The following ADAMTS18 variants were observed in gnomAD, a reference collection of about 807,000 sequenced individuals.
The protein encoded by ADAMTS18 is A disintegrin and metalloproteinase with thrombospondin motifs 18.
A neutral mutation model predicts 165.9 loss-of-function variants in ADAMTS18; 157 were observed. The observed-to-expected ratio is 0.95, with a 90% confidence interval of 0.83 to 1.08. The LOEUF (loss-of-function observed/expected upper bound fraction) is 1.08. ADAMTS18 is among the 50% of genes least tolerant of loss of function. The pLI is 0.00. For synonymous variants in ADAMTS18, 782 were observed against 578.2 expected (o/e 1.35, Z -5.06); for missense variants, 2,040 against 1,534.0 (o/e 1.33, Z -5.51).
At position 77,284,053 on chromosome 16, in the gene ADAMTS18, T is replaced by C. The variant is rs749579943; in HGVS notation, c.3569A>G (p.Asp1190Gly). 1.9e-6 allele frequency: 3 copies of C among 1,612,780 alleles called. No homozygotes were observed. Among genetic ancestry groups the C allele is most frequent in the African/African-American group, 2.7e-5 (2 of 74,806 alleles). ...PEKREDPSCV[D>G]FFNWCHLVPQ... Reference sequence around the variant, plus strand: ...AACTAGGTGACACCAGTTGAAGAAATCTACGCAGGATGGATCCTCTAAAAT... The same window carrying C: ...AACTAGGTGACACCAGTTGAAGAAACCTACGCAGGATGGATCCTCTAAAAT... The change falls in exon 23 of 23, where the codon GAT (aspartate) becomes GGT (glycine). Residue 1190 changes from aspartate to glycine, a missense_variant. Coordinates refer to ENST00000282849, the MANE Select transcript of ADAMTS18 (RefSeq NM_199355.4).
intron 3 of ADAMTS18, among the ~76,000 whole-genome samples, chr16:77,419,664 T>C (rs1457116404): frequency 1.3e-5 from 2 of 152,042 alleles, no homozygotes; most frequent in East Asian, 1.9e-4. Flanking sequence ...ACTGAATACT[T>C]GGAGAAAGTG....
chr16:77,373,843 T>C (rs1383644780), intron 3 of ADAMTS18, among the ~76,000 whole-genome samples: 1 of 152,170 alleles, frequency 6.6e-6, no homozygotes, highest in African/African-American at 2.4e-5. Context: ...ATCCCTCATA[T>C]GCAGTTTTAT....
chr16:77,367,316 C>T lies in ADAMTS18; in HGVS notation c.778+125G>A, dbSNP rs2056809428. 5.8e-6 allele frequency: 6 copies of T among 1,041,006 alleles called. No individual in the cohort carries two copies. The South Asian group carries it at 8.0e-5, about 14-fold the overall frequency. 64.5% of individuals were successfully genotyped at this position (1,041,006 alleles called of 1,614,324 possible). A position where few individuals can be genotyped will look rare whatever the true frequency, so the allele number is the denominator to read the frequency against. On this transcript the variant is annotated intron_variant, in intron 4 of 22. Coordinates refer to ENST00000282849, the MANE Select transcript of ADAMTS18 (RefSeq NM_199355.4). ...TGCCTGAGAGAGATAATTACTGGTCCTACACCAAGACAGATGCTCAGGGTA... is the reference window on the plus strand; with the variant it reads ...TGCCTGAGAGAGATAATTACTGGTCTTACACCAAGACAGATGCTCAGGGTA...
chr16:77,430,831 A>G (rs905682204), intron 3 of ADAMTS18, among the ~76,000 whole-genome samples: 3 of 152,228 alleles, frequency 2.0e-5, no homozygotes, highest in Non-Finnish European at 4.4e-5. Context: ...CACCAGCAAC[A>G]GATTAGTTCA....
intron 21 of ADAMTS18, 23 bp downstream of exon 21, chr16:77,291,243 C>T: frequency 6.2e-7 from 1 of 1,612,420 alleles, no homozygotes; most frequent in Non-Finnish European, 8.5e-7. Context: ...GAATAGACAC[C>T]TCCTCAATCG....
rs1024196144 is a variant in ADAMTS18, at chr16:77,284,586, C to A, written c.3551-515G>T. Among the ~76,000 whole-genome samples, 5 of 152,084 alleles carry A rather than the reference C, an allele frequency of 3.3e-5. No homozygotes were observed. The South Asian group carries it at 1.0e-3, about 32-fold the overall frequency. On this transcript the variant is annotated intron_variant, in intron 22 of 22. Transcript: ENST00000282849. ...CTTTGGTAGGGGGGTGAGGTAGGGG[C>A]AGGATTTAGATGCCAAGAAAAGACT...
intron 4 of ADAMTS18, among the ~76,000 whole-genome samples, chr16:77,365,006 T>C (rs1309178844): frequency 6.6e-6 from 1 of 152,086 alleles, no homozygotes; most frequent in Non-Finnish European, 1.5e-5. Flanking sequence ...CTTGGGAGGC[T>C]GAGGCAGGCG....
chr16:77,339,508 G>A (rs2056366011), intron 11 of ADAMTS18, among the ~76,000 whole-genome samples: 2 of 151,356 alleles, frequency 1.3e-5, no homozygotes. Flanking sequence ...TAAATCTTTA[G>A]ACCTAGGTGA....
chr16:77,434,937 G>C lies in ADAMTS18; in HGVS notation c.-242C>G, dbSNP rs905605501. The C allele has an allele frequency of 2.7e-6, 1 of 365,278 alleles. No homozygotes were observed. The highest frequency in any genetic ancestry group is 2.1e-5 in the African/African-American group (1 of 46,614). 22.6% of individuals were successfully genotyped at this position (365,278 alleles called of 1,614,324 possible). ...CAGTTTGCGGCACCCCAGAGGGTAC[G>C]GGGGGCTCCCTGGGCCGGGACTGGA... is the stretch of plus-strand genomic sequence containing the variant. On this transcript the variant is annotated 5_prime_UTR_variant, in exon 1 of 23. Coordinates refer to ENST00000282849, the MANE Select transcript of ADAMTS18 (RefSeq NM_199355.4).
At chr16:77,417,269 G>T (rs2057542589) in intron 3 of ADAMTS18, among the ~76,000 whole-genome samples, 1 of 152,050 alleles carries the variant, frequency 6.6e-6, no homozygotes, top group African/African-American at 2.4e-5. Flanking sequence ...TAGGTGGGTG[G>T]GTGGATAGCT....
chr16:77,404,730 C>A (rs574658623), intron 3 of ADAMTS18, among the ~76,000 whole-genome samples: 55 of 152,242 alleles, frequency 3.6e-4, no homozygotes, highest in Admixed American at 2.4e-3. Flanking sequence ...CTCTGTGATC[C>A]TTTGCGTCTA....
chr16:77,357,393 T>C (rs753019447), intron 8 of ADAMTS18, among the ~76,000 whole-genome samples: 3 of 152,182 alleles, frequency 2.0e-5, no homozygotes, highest in Non-Finnish European at 4.4e-5. Context: ...CGTCAATGTA[T>C]ACTCAGTGAA....
At chr16:77,382,458 T>C (rs919868374) in intron 3 of ADAMTS18, among the ~76,000 whole-genome samples, 4 of 152,084 alleles carry the variant, frequency 2.6e-5, no homozygotes, top group African/African-American at 9.7e-5. Context: ...GATCCGCCCC[T>C]CTCGGCCTCC....
At position 77,341,789 on chromosome 16, in the gene ADAMTS18, T is replaced by C; in HGVS notation, c.1625A>G (p.Lys542Arg). ...GCCTACTCGGTGGCACCAAAGTGAT[T>C]TGCAAATATCCTGAAATAAAAAAAA... Reference protein sequence around the residue: ...CSLGFVKDICKSLWCHRVGHR... With the variant: ...CSLGFVKDICRSLWCHRVGHR... Residue 542 changes from lysine (K) to arginine (R), a missense_variant, in exon 11 of 23, where the codon AAA (lysine) becomes AGA (arginine). Lys to Arg is a conservative substitution (Grantham distance 26). Transcript: ENST00000282849. The C allele has an allele frequency of 6.2e-7, 1 of 1,612,032 alleles. No individual in the cohort carries two copies. Among genetic ancestry groups the C allele is most frequent in the Non-Finnish European group, 8.5e-7 (1 of 1,179,036 alleles).
intron 18 of ADAMTS18, among the ~76,000 whole-genome samples, chr16:77,295,974 G>T (rs1038838223): frequency 1.3e-5 from 2 of 150,478 alleles, no homozygotes; most frequent in Non-Finnish European, 2.9e-5. Context: ...CTCAGATTAT[G>T]ACAAATGCAC....
intron 13 of ADAMTS18, among the ~76,000 whole-genome samples, chr16:77,324,018 AT>A (rs2056050751): frequency 6.6e-6 from 1 of 152,264 alleles, no homozygotes; most frequent in Non-Finnish European, 1.5e-5. Flanking sequence ...TGCAAAATTT[AT>A]TTGTTTAACT....
At chr16:77,357,545 G>A (rs565441919) in intron 8 of ADAMTS18, among the ~76,000 whole-genome samples, 12 of 152,104 alleles carry the variant, frequency 7.9e-5, no homozygotes, top group African/African-American at 2.9e-4. Context: ...AATAAAGCAC[G>A]AGAAGAAACA....
At chr16:77,337,005 G>A (rs1439814178) in intron 11 of ADAMTS18, among the ~76,000 whole-genome samples, 1 of 152,176 alleles carries the variant, frequency 6.6e-6, no homozygotes, top group Non-Finnish European at 1.5e-5. Flanking sequence ...TATCCCCTGC[G>A]ATACATTTGG....
intron 16 of ADAMTS18, among the ~76,000 whole-genome samples, chr16:77,306,797 T>C (rs117392258): frequency 0.01 from 1,529 of 152,328 alleles, 16 homozygotes; most frequent in Middle Eastern, 0.02. Flanking sequence ...GTGCTATTAA[T>C]TCCAATAGTG....
Sources: gnomAD v4.1 joint callset for allele counts (sites outside exome capture counted in the v4.1 genomes callset) on GRCh38, gnomAD v4.1.1 for gene constraint, MANE v1.5 for transcripts, NCBI Gene and HGNC (gene_info 2026-07-23, HGNC 2026-07-21) for gene names.